CYFIP2: variants seen among roughly 807,000 people sequenced by gnomAD.
The protein encoded by CYFIP2 is cytoplasmic FMR1-interacting protein 2.
A neutral mutation model predicts 158.7 loss-of-function variants in CYFIP2; 29 were observed. The observed-to-expected ratio is 0.18, with a 90% confidence interval of 0.14 to 0.25. The LOEUF (loss-of-function observed/expected upper bound fraction) is 0.25, where lower values mean the gene tolerates loss of function less well. CYFIP2 is among the 10% of genes least tolerant of loss of function. The pLI is 1.00. For missense variants in CYFIP2, 852 were observed against 1,639.5 expected, an observed-to-expected ratio of 0.52 and a Z score of 8.29; for synonymous variants, 585 against 617.6, an observed-to-expected ratio of 0.95 and a Z score of 0.78.
intron 3 of CYFIP2, among the ~76,000 whole-genome samples, chr5:157,291,653 C>T (rs1188413872): frequency 2.0e-5 from 3 of 152,172 alleles, no homozygotes; most frequent in Admixed American, 6.5e-5. Flanking sequence ...GCGGGACCCA[C>T]GGGCTTGATT....
At chr5:157,309,676 TG>T in intron 9 of CYFIP2, 66 bp from the exon 10 acceptor site, 1 of 1,388,336 alleles carries the variant, frequency 7.2e-7, no homozygotes, top group Non-Finnish European at 1.0e-6. Flanking sequence ...CACAGTGGGG[TG>T]GCAGCGAAGG....
At position 157,367,091 on chromosome 5, in the gene CYFIP2, T is replaced by C. The variant is rs189196315; in HGVS notation, c.3039+5493T>C. Among the ~76,000 whole-genome samples, 179 of 152,316 alleles carry C rather than the reference T, an allele frequency of 1.2e-3. 1 individual carries two copies. Among genetic ancestry groups the C allele is most frequent in the African/African-American group, 4.1e-3 (171 of 41,570 alleles). On this transcript the variant is annotated intron_variant, in intron 26 of 30. Coordinates refer to ENST00000620254, the MANE Select transcript of CYFIP2 (RefSeq NM_001037333.3). ...CACAGAAACACTCCGGTCAGTCATT[T>C]GAGAGCATTACTGCCCTCACCAGAG...
At chr5:157,322,559 C>T (rs1408276350) in intron 15 of CYFIP2, among the ~76,000 whole-genome samples, 1 of 152,218 alleles carries the variant, frequency 6.6e-6, no homozygotes, top group Non-Finnish European at 1.5e-5. Context: ...TGCTTCTCGG[C>T]TCCTAGGGAT....
chr5:157,358,156 A>C (rs761368064), intron 23 of CYFIP2, among the ~76,000 whole-genome samples: 2 of 152,324 alleles, frequency 1.3e-5, no homozygotes, highest in Non-Finnish European at 1.5e-5. Context: ...GTTAGAGTCG[A>C]TGATAACTTT....
chr5:157,297,480 T>G (rs1758351135), intron 5 of CYFIP2, among the ~76,000 whole-genome samples: 2 of 152,238 alleles, frequency 1.3e-5, no homozygotes, highest in African/African-American at 2.4e-5. Context: ...AAATGAGGTC[T>G]GTTTGTAAAG....
At chr5:157,381,459 C>G (rs532561855) in intron 26 of CYFIP2, among the ~76,000 whole-genome samples, 1 of 144,174 alleles carries the variant, frequency 6.9e-6, no homozygotes, top group South Asian at 2.2e-4. Context: ...ATACAAGAGG[C>G]AGAGGCTGCA....
chr5:157,322,878 C>CTCCCTCT, intron 15 of CYFIP2: 1 of 1,427,766 alleles, frequency 7.0e-7, no homozygotes, highest in Non-Finnish European at 9.5e-7. Context: ...CTTTCTCTCT[C>CTCCCTCT]TCCCTCTTCC....
intron 22 of CYFIP2, among the ~76,000 whole-genome samples, chr5:157,340,808 C>T (rs1762193791): frequency 6.6e-6 from 1 of 152,202 alleles, no homozygotes; most frequent in African/African-American, 2.4e-5. Flanking sequence ...AGTTTCTTGC[C>T]TAGTGTCATT....
chr5:157,313,772 A>C (rs958631027), intron 11 of CYFIP2, among the ~76,000 whole-genome samples: 3 of 152,248 alleles, frequency 2.0e-5, no homozygotes, highest in African/African-American at 4.8e-5. Context: ...ATTCTGTATC[A>C]TTGTGGAATA....
Position 157,359,112 on chromosome 5 carries a change from G to C in CYFIP2, c.2781G>C (p.Val927=). The C allele has an allele frequency of 6.2e-7, 1 of 1,613,962 alleles. No homozygotes were observed. Among genetic ancestry groups the C allele is most frequent in the Non-Finnish European group, 8.5e-7 (1 of 1,179,880 alleles). ...TCCTGGGTTATCAGGGCATCGCTGT[G>C]GTCATGGAGGAACTGCTAAAGATTG... ...CRLLGYQGIA[V]VMEELLKIVK... Residue 927 remains valine (V), a synonymous_variant, in exon 24 of 31, where the codon GTG becomes GTC. Transcript: ENST00000620254.
chr5:157,307,785 A>T lies in CYFIP2; in HGVS notation c.820A>T (p.Met274Leu). The change falls in exon 9 of 31, where the codon ATG becomes TTG. Residue 274 changes from methionine to leucine, a missense_variant. Physicochemically the swap from Met to Leu is conservative, Grantham distance 15. Coordinates refer to ENST00000620254, the MANE Select transcript of CYFIP2 (RefSeq NM_001037333.3). ...LKVMGFGLYL[M>L]DGNVSNIYKL... ...GGTGATGGGCTTTGGCCTCTACCTA[A>T]TGGATGGAAATGTCAGTAACATTTA... 1 of 1,610,626 alleles carries T rather than the reference A, an allele frequency of 6.2e-7. No homozygotes were observed.
rs554268016 is a variant in CYFIP2, at chr5:157,292,281, A to C, written c.208-2502A>C. ...ATTGCCCAGGCTGGAGTGCAATGGC[A>C]CAATCTTGGCTCACCGCAACTTCCA... On this transcript the variant is annotated intron_variant, in intron 3 of 30. Coordinates refer to ENST00000620254, the MANE Select transcript of CYFIP2 (RefSeq NM_001037333.3). Among the ~76,000 whole-genome samples the C allele has an allele frequency of 3.5e-4, 53 of 151,204 alleles. 1 individual carries two copies. Among genetic ancestry groups the C allele is most frequent in the Non-Finnish European group, 6.9e-4 (47 of 67,902 alleles).
At chr5:157,283,391 C>G (rs1757139414) in intron 1 of CYFIP2, among the ~76,000 whole-genome samples, 1 of 152,164 alleles carries the variant, frequency 6.6e-6, no homozygotes, top group African/African-American at 2.4e-5. Context: ...TCATTACTCC[C>G]TCCTGTAAAA....
intron 1 of CYFIP2, among the ~76,000 whole-genome samples, chr5:157,283,173 G>A (rs575170117): frequency 2.4e-4 from 37 of 152,292 alleles, no homozygotes; most frequent in Admixed American, 1.4e-3. Context: ...GAAATTAAAT[G>A]CCGAGGTTCT....
intron 13 of CYFIP2, among the ~76,000 whole-genome samples, chr5:157,319,005 G>A (rs11957710): frequency 0.21 from 31,301 of 152,168 alleles, 3,454 homozygotes; most frequent in Middle Eastern, 0.26. Context: ...AGGCAAAGCA[G>A]CTGCATAGAT....
chr5:157,333,564 C>A (rs1401025745), intron 21 of CYFIP2, 118 bp downstream of exon 21: 3 of 1,394,820 alleles, frequency 2.2e-6, no homozygotes, highest in African/African-American at 1.4e-5. Context: ...GAGTCTCTTT[C>A]CCATCTGAAT....
chr5:157,293,350 C>G (rs957806106), intron 3 of CYFIP2, among the ~76,000 whole-genome samples: 2 of 152,166 alleles, frequency 1.3e-5, no homozygotes, highest in Non-Finnish European at 2.9e-5. Flanking sequence ...ACCACTGCGC[C>G]CAGCCTTGAG....
At chr5:157,298,941 T>C (rs1758480307) in intron 5 of CYFIP2, among the ~76,000 whole-genome samples, 1 of 152,200 alleles carries the variant, frequency 6.6e-6, no homozygotes, top group African/African-American at 2.4e-5. Context: ...ATTGTATGGA[T>C]ATACCGTATT....
intron 27 of CYFIP2, 108 bp from the exon 28 acceptor site, chr5:157,383,157 C>T (rs1218041494): frequency 7.7e-6 from 7 of 914,570 alleles, no homozygotes; most frequent in African/African-American, 1.6e-5. Context: ...CACACTCCAT[C>T]CCATTTTTGG....
Sources: allele counts gnomAD v4.1 joint callset (sites outside exome capture counted in the v4.1 genomes callset), GRCh38; gene constraint gnomAD v4.1.1; transcripts MANE v1.5; gene names NCBI Gene and HGNC (gene_info 2026-07-23, HGNC 2026-07-21).